The following COL7A1 variants were observed in gnomAD, a reference collection of about 807,000 sequenced individuals.
COL7A1 encodes collagen alpha-1(VII) chain.
Under a neutral mutation model 456.2 loss-of-function variants are expected in COL7A1, and 296 were observed. The observed-to-expected ratio is 0.65, with a 90% CI of 0.59 to 0.71. The LOEUF is 0.71. COL7A1 is among the 30% of genes least tolerant of loss of function. COL7A1 has a pLI of 0.00. For missense variants in COL7A1, 3,441 were observed against 4,017.2 expected (o/e 0.86, Z 3.88); for synonymous variants, 1,464 against 1,525.9 (o/e 0.96, Z 0.95).
chr3:48,592,346 C>T lies in COL7A1; in HGVS notation c.1093+5G>A, dbSNP rs2045765410. 6.2e-7 allele frequency: 1 copy of T among 1,613,492 alleles called. No individual in the cohort carries two copies. The highest frequency in any genetic ancestry group is 2.2e-5 in the East Asian group (1 of 44,872). Reference sequence around the variant, plus strand: ...GACTCCCCTCAGCCCACATCTCTCACTCACCACTGAGGACCCGCCATGTCA... The same window carrying T: ...GACTCCCCTCAGCCCACATCTCTCATTCACCACTGAGGACCCGCCATGTCA... On this transcript the variant is annotated splice_donor_5th_base_variant and intron_variant, in intron 9 of 118. Coordinates refer to ENST00000681320, the MANE Select transcript of COL7A1 (RefSeq NM_000094.4). The surrounding 1 kb of genome is among the most constrained non-coding windows in gnomAD (Gnocchi z 7.6).
chr3:48,564,444 C>A lies in COL7A1; in HGVS notation c.8819-22G>T, dbSNP rs1298071140. ...GTACCTGGTGAGGACAGGTTGGAAACGGTCGTCAGCCATCTGACCTTCCCC... is the reference window on the plus strand; with the variant it reads ...GTACCTGGTGAGGACAGGTTGGAAAAGGTCGTCAGCCATCTGACCTTCCCC... On this transcript the variant is annotated intron_variant, in intron 118 of 118. Coordinates refer to ENST00000681320, the MANE Select transcript of COL7A1 (RefSeq NM_000094.4). The surrounding 1 kb of genome is among the most constrained non-coding windows in gnomAD (Gnocchi z 6.0). 6 of 1,613,720 alleles carry A rather than the reference C, an allele frequency of 3.7e-6. No individual in the cohort carries two copies. The East Asian group carries it at 1.3e-4, about 36-fold the overall frequency.
chr3:48,588,648 T>C lies in COL7A1; in HGVS notation c.2581A>G (p.Thr861Ala), dbSNP rs780245681. Reference sequence around the variant, plus strand: ...CAGCGCATGCTCTGCCTACGCGTAGTGACAACAATGGAGACAGGTGTGCCC... The same window carrying C: ...CAGCGCATGCTCTGCCTACGCGTAGCGACAACAATGGAGACAGGTGTGCCC... The part of the protein sequence containing the change: ...REGTPVSIVV[T>A]TPPEAPPALG... The change falls in exon 20 of 119, where the codon ACT becomes GCT. Residue 861 changes from threonine to alanine, a missense_variant. Thr to Ala is a moderately conservative substitution (Grantham distance 58, BLOSUM62 0). Transcript: ENST00000681320. The surrounding 1 kb of genome is among the most constrained non-coding windows in gnomAD (Gnocchi z 4.6). 6.2e-7 allele frequency: 1 copy of C among 1,613,812 alleles called. No individual in the cohort carries two copies. Among genetic ancestry groups the C allele is most frequent in the Non-Finnish European group, 8.5e-7 (1 of 1,180,028 alleles).
Position 48,591,844 on chromosome 3 carries a change from C to T in COL7A1, c.1358-22G>A. On this transcript the variant is annotated intron_variant, in intron 11 of 118. Transcript: ENST00000681320. The surrounding 1 kb of genome is among the most constrained non-coding windows in gnomAD (Gnocchi z 7.0). ...AAGCCTGCAAGATAACAGGGTCAGA[C>T]CAGCAGAGGCCATGCCCTGACCCTT... 1 of 1,614,184 alleles carries T rather than the reference C, an allele frequency of 6.2e-7. No individual in the cohort carries two copies. The highest frequency in any genetic ancestry group is 8.5e-7 in the Non-Finnish European group (1 of 1,180,022).
rs753561093 is a variant in COL7A1 at position 48,580,640 on chromosome 3, C to G, written c.4993G>C (p.Val1665Leu). 1.2e-6 allele frequency: 2 copies of G among 1,614,014 alleles called. No individual in the cohort carries two copies. Among genetic ancestry groups the G allele is most frequent in the South Asian group, 2.2e-5 (2 of 91,082 alleles). Residue 1665 changes from valine to leucine, a missense_variant, in exon 55 of 119, where the codon GTT (valine) becomes CTT (leucine). Transcript: ENST00000681320. The surrounding 1 kb of genome is among the most constrained non-coding windows in gnomAD (Gnocchi z 4.5). ...GERGLRGAPGVRGPVGEKGDQ... is the reference protein window; with the variant it reads ...GERGLRGAPGLRGPVGEKGDQ... ...CCCTTTTCACCCACAGGCCCCCGAACTCCAGGTGCCCCCTAAGAAGAGCAG... is the reference window on the plus strand; with the variant it reads ...CCCTTTTCACCCACAGGCCCCCGAAGTCCAGGTGCCCCCTAAGAAGAGCAG...
In COL7A1 at chr3:48,588,314, G is replaced by A. The variant is rs2854389; in HGVS notation, c.2678C>T (p.Ala893Val). Residue 893 changes from alanine to valine, a missense_variant, in exon 21 of 119, where the codon GCG (alanine) becomes GTG (valine). Around this residue, in one of 3 missense-constraint regions of COL7A1, gnomAD observed 444 missense variants for 427.6 expected, o/e 1.04. Coordinates refer to ENST00000681320, the MANE Select transcript of COL7A1 (RefSeq NM_000094.4). This position sits in a 1 kb window ranked among gnomAD's most constrained non-coding sequence, Gnocchi z 4.6. ...TTGCCAGTGCAGAAGGAAGCCCTGC[G>A]CTCTGGGCACCGGCTCCCAGCGCAG... is the stretch of plus-strand genomic sequence containing the variant. ...LRLRWEPVPR[A>V]QGFLLHWQPE... 2.5e-6 allele frequency: 4 copies of A among 1,612,874 alleles called. No homozygotes were observed. The highest frequency in any genetic ancestry group is 4.5e-5 in the East Asian group (2 of 44,870).
In COL7A1 at chr3:48,567,090, G is replaced by C; in HGVS notation, c.8109+38C>G. 1 of 1,613,116 alleles carries C rather than the reference G, an allele frequency of 6.2e-7. No individual in the cohort carries two copies. The highest frequency in any genetic ancestry group is 8.5e-7 in the Non-Finnish European group (1 of 1,179,482). On this transcript the variant is annotated intron_variant, in intron 110 of 118. Coordinates refer to ENST00000681320, the MANE Select transcript of COL7A1 (RefSeq NM_000094.4). This position sits in a 1 kb window ranked among gnomAD's most constrained non-coding sequence, Gnocchi z 4.3. ...AGATGGACCCTCTCCCAAAGTGCAC[G>C]CTCCCCTCAATTCACCATGACCATG...
chr3:48,584,885 G>A, intron 34 of COL7A1, 25 bp downstream of exon 34: 1 of 1,613,996 alleles, frequency 6.2e-7, no homozygotes, highest in South Asian at 1.1e-5. Flanking sequence ...GACACTTAGA[G>A]AGCAAAGAAG....
rs749738987 is a variant in COL7A1, at chr3:48,583,900, C to T, written c.4278G>A (p.Pro1426=). The change falls in exon 39 of 119, where the codon CCG becomes CCA. Residue 1426 remains proline (P), a splice_region_variant and synonymous_variant. Coordinates refer to ENST00000681320, the MANE Select transcript of COL7A1 (RefSeq NM_000094.4). This position sits in a 1 kb window ranked among gnomAD's most constrained non-coding sequence, Gnocchi z 5.1. The part of the protein sequence containing the change: ...GGIAPGEPGL[P]GLPGSPGPQG... ...CCAGCAGAGCCTCAAGGCCCCTCACCGGCAGCCCAGGCTCCCCAGGAGCAA... is the reference window on the plus strand; with the variant it reads ...CCAGCAGAGCCTCAAGGCCCCTCACTGGCAGCCCAGGCTCCCCAGGAGCAA... The T allele has an allele frequency of 2.2e-5, 35 of 1,613,716 alleles. No homozygotes were observed. Among genetic ancestry groups the T allele is most frequent in the South Asian group, 3.3e-5 (3 of 91,088 alleles).
rs2045459030 is a variant in COL7A1 at position 48,588,573 on chromosome 3, A to T, written c.2587+69T>A. On this transcript the variant is annotated intron_variant, in intron 20 of 118. Coordinates refer to ENST00000681320, the MANE Select transcript of COL7A1 (RefSeq NM_000094.4). The surrounding 1 kb of genome is among the most constrained non-coding windows in gnomAD (Gnocchi z 4.6). ...AATCCTGGTCCTTTCTCCAATCCAG[A>T]GCACAAGCCCGGATCCCCAAACCAT... 6.2e-7 allele frequency: 1 copy of T among 1,612,216 alleles called. No individual in the cohort carries two copies. The highest frequency in any genetic ancestry group is 1.3e-5 in the African/African-American group (1 of 74,892).
Position 48,576,550 on chromosome 3 carries a change from G to A in COL7A1, c.5708C>T (p.Pro1903Leu). The A allele has an allele frequency of 1.2e-6, 2 of 1,610,118 alleles. No individual in the cohort carries two copies. The highest frequency in any genetic ancestry group is 1.7e-6 in the Non-Finnish European group (2 of 1,178,608). Residue 1903 changes from proline to leucine, a missense_variant, in exon 69 of 119, where the codon CCT becomes CTT. Transcript: ENST00000681320. ...GGGGCCCGTGCCTCCTGGGACACCA[G>A]GAAAACCCTGAGATACGGCAGAACA... The part of the protein sequence containing the change: ...GPVGPPGQGF[P>L]GVPGGTGPKG...
At chr3:48,576,608 GA>G (rs1244456528) in intron 68 of COL7A1, 51 bp from the exon 69 acceptor site, 1 of 1,594,046 alleles carries the variant, frequency 6.3e-7, no homozygotes, top group Non-Finnish European at 8.5e-7. Flanking sequence ...GGCTTCCCAG[GA>G]GGGTTGCCCA....
Position 48,573,044 on chromosome 3 carries a change from A to G in COL7A1, c.6727T>C (p.Ser2243Pro), listed in dbSNP as rs920822732. The change falls in exon 86 of 119, where the codon TCT becomes CCT. Residue 2243 changes from serine to proline, a missense_variant. Physicochemically the swap from Ser to Pro is moderately conservative, Grantham distance 74 (BLOSUM62 -1). This residue lies in a region of COL7A1 where 2,084 missense variants were observed against 2,501.3 expected (regional missense o/e 0.83). Coordinates refer to ENST00000681320, the MANE Select transcript of COL7A1 (RefSeq NM_000094.4). This position sits in a 1 kb window ranked among gnomAD's most constrained non-coding sequence, Gnocchi z 5.5. ...ACCACTTGTCCAGGCAAACCTGGAG[A>G]CCCCTGTGGACCCTGACGGAGAACA... ...GPSGLVGPQG[S>P]PGLPGQVGET... 4 of 1,613,846 alleles carry G rather than the reference A, an allele frequency of 2.5e-6. No individual in the cohort carries two copies. Among genetic ancestry groups the G allele is most frequent in the Non-Finnish European group, 3.4e-6 (4 of 1,179,984 alleles).
In COL7A1 at chr3:48,581,301, G is replaced by T. The variant is rs781705982; in HGVS notation, c.4858C>A (p.Arg1620=). ...GPPGEKGDPG[R]PGPPGPVGPR... ...CCAACAGGTCCTGGGGGGCCAGGCC[G>T]CCCAGGGTCTCCCTTCTCTCCAGGA... Residue 1620 remains arginine, a synonymous_variant, in exon 52 of 119, where the codon CGG becomes AGG. Coordinates refer to ENST00000681320, the MANE Select transcript of COL7A1 (RefSeq NM_000094.4). This position sits in a 1 kb window ranked among gnomAD's most constrained non-coding sequence, Gnocchi z 5.8. The T allele has an allele frequency of 2.5e-6, 4 of 1,613,492 alleles. No individual in the cohort carries two copies. In the South Asian group the frequency reaches 4.4e-5, roughly 18 times the overall value.
Position 48,594,594 on chromosome 3 carries a change from A to C in COL7A1, c.86-46T>G, listed in dbSNP as rs1253613420. 1 of 1,531,726 alleles carries C rather than the reference A, an allele frequency of 6.5e-7. No homozygotes were observed. The allele number at this position is 1,531,726 out of a possible 1,614,324, so 94.9% of individuals were successfully genotyped here. Reference sequence around the variant, plus strand: ...CAGGGCCTCTTCTGGGAGGCCAACCACCCGCCTACCCGCACGGTGGCCTCA... The same window carrying C: ...CAGGGCCTCTTCTGGGAGGCCAACCCCCCGCCTACCCGCACGGTGGCCTCA... On this transcript the variant is annotated intron_variant, in intron 2 of 118. Coordinates refer to ENST00000681320, the MANE Select transcript of COL7A1 (RefSeq NM_000094.4). This position sits in a 1 kb window ranked among gnomAD's most constrained non-coding sequence, Gnocchi z 5.5.
In COL7A1 at chr3:48,592,859, C is replaced by T. The variant is rs2045806208; in HGVS notation, c.762G>A (p.Ala254=). 23 of 1,614,036 alleles carry T rather than the reference C, an allele frequency of 1.4e-5. No homozygotes were observed. Among genetic ancestry groups the T allele is most frequent in the Non-Finnish European group, 1.9e-5 (22 of 1,180,034 alleles). ...TGTAGCCAGTCACAGGGCCACTGGC[C>T]GCTGTCCACTGTACTCTCAAGGATT... The part of the protein sequence containing the change: ...SSQSLRVQWT[A]ASGPVTGYKV... Residue 254 remains alanine (A), a synonymous_variant, in exon 7 of 119, where the codon GCG becomes GCA. Coordinates refer to ENST00000681320, the MANE Select transcript of COL7A1 (RefSeq NM_000094.4). This position sits in a 1 kb window ranked among gnomAD's most constrained non-coding sequence, Gnocchi z 7.6.
In COL7A1 at chr3:48,591,769, A is replaced by G. The variant is rs139564795; in HGVS notation, c.1411T>C (p.Leu471=). Residue 471 remains leucine (L), a synonymous_variant, in exon 12 of 119, where the codon TTG becomes CTG. Transcript: ENST00000681320. The surrounding 1 kb of genome is among the most constrained non-coding windows in gnomAD (Gnocchi z 7.0). Reference sequence around the variant, plus strand: ...TCAGTGCCCGGCTGCAGCCCATCCAACTGGTAGCGGGTCACATCAGAGGGC... The same window carrying G: ...TCAGTGCCCGGCTGCAGCCCATCCAGCTGGTAGCGGGTCACATCAGAGGGC... ...VLPSDVTRYQ[L]DGLQPGTEYR... is the part of the protein sequence containing the mutation. 1,317 of 1,614,034 alleles carry G rather than the reference A, an allele frequency of 8.2e-4. 4 individuals carry two copies. Among genetic ancestry groups the G allele is most frequent in the South Asian group, 1.2e-3 (111 of 91,074 alleles).
rs1410879222 is a variant in COL7A1 at position 48,590,996 on chromosome 3, G to A, written c.1637-180C>T. Among the ~76,000 whole-genome samples, 1 of 152,170 alleles carries A rather than the reference G, an allele frequency of 6.6e-6. No individual in the cohort carries two copies. Among genetic ancestry groups the A allele is most frequent in the East Asian group, 1.9e-4 (1 of 5,192 alleles). On this transcript the variant is annotated intron_variant, in intron 13 of 118. Transcript: ENST00000681320. This position sits in a 1 kb window ranked among gnomAD's most constrained non-coding sequence, Gnocchi z 4.6. ...TGAGTGCAAGACAAGGACATAGGAT[G>A]AAAGGGGCCAGTGATGGTCAGGGAC...
chr3:48,571,088 G>C lies in COL7A1; in HGVS notation c.7164+13C>G. 6.2e-7 allele frequency: 1 copy of C among 1,613,710 alleles called. No individual in the cohort carries two copies. The highest frequency in any genetic ancestry group is 1.3e-5 in the African/African-American group (1 of 74,986). ...CTGCTGCCCCTACAACTGGTGATGGGGCATTGACTTACCTTCACACCTGGA... is the reference window on the plus strand; with the variant it reads ...CTGCTGCCCCTACAACTGGTGATGGCGCATTGACTTACCTTCACACCTGGA... On this transcript the variant is annotated intron_variant, in intron 94 of 118. Transcript: ENST00000681320. The surrounding 1 kb of genome is among the most constrained non-coding windows in gnomAD (Gnocchi z 4.6).
At position 48,580,397 on chromosome 3, in the gene COL7A1, G is replaced by A. The variant is rs1575454792; in HGVS notation, c.5053-53C>T. 15 of 1,586,554 alleles carry A rather than the reference G, an allele frequency of 9.5e-6. No individual in the cohort carries two copies. In the East Asian group the frequency reaches 1.4e-4, roughly 14 times the overall value. ...TCAAGGTAGGCAGCAGTTTGGGAGA[G>A]CTTTGGAAGCACCATGAGGACTCAT... On this transcript the variant is annotated intron_variant, in intron 55 of 118. Transcript: ENST00000681320. The surrounding 1 kb of genome is among the most constrained non-coding windows in gnomAD (Gnocchi z 4.5).
Sources: allele counts gnomAD v4.1 joint callset (sites outside exome capture counted in the v4.1 genomes callset), GRCh38; gene constraint gnomAD v4.1.1; regional missense constraint gnomAD v4.1.1; non-coding constraint Gnocchi (gnomAD v3.1); transcripts MANE v1.5; gene names NCBI Gene and HGNC (gene_info 2026-07-23, HGNC 2026-07-21).